The following CBFA2T3 variants were observed in gnomAD, a reference collection of about 807,000 sequenced individuals.
The protein encoded by CBFA2T3 is CBFA2/RUNX1 partner transcriptional co-repressor 3.
CBFA2T3 carries 31 observed loss-of-function variants against 58.6 expected under a neutral mutation model. That is an observed-to-expected ratio of 0.53 (90% CI 0.40 to 0.71). CBFA2T3 has a LOEUF of 0.71. CBFA2T3 is among the 30% of genes least tolerant of loss of function. CBFA2T3 has a pLI of 0.00. For synonymous variants in CBFA2T3, 531 were observed against 421.9 expected (o/e 1.26, Z -3.17); for missense variants, 1,076 against 963.1 (o/e 1.12, Z -1.55).
At position 88,940,763 on chromosome 16, in the gene CBFA2T3, G is replaced by A. The variant is rs940739966; in HGVS notation, c.151+35894C>T. Among the ~76,000 whole-genome samples the A allele has an allele frequency of 4.6e-5, 7 of 152,216 alleles. No individual in the cohort carries two copies. In the South Asian group the frequency reaches 8.3e-4, roughly 18 times the overall value. The stretch of plus-strand genomic sequence containing the variant: ...AAACCGGGCGGCCCCAGGGGAGCCC[G>A]CGAGACTCCCAGCGCCCGGGCGCGT... On this transcript the variant is annotated intron_variant, in intron 1 of 11. Transcript: ENST00000268679.
intron 1 of CBFA2T3, among the ~76,000 whole-genome samples, chr16:88,952,499 C>T (rs559983930): frequency 2.6e-5 from 4 of 151,698 alleles, no homozygotes; most frequent in African/African-American, 4.8e-5. Flanking sequence ...CACGGGGCAC[C>T]GAGACGGCTT....
At chr16:88,901,774 T>A in intron 1 of CBFA2T3, 118 bp from the exon 2 acceptor site, 7 of 881,786 alleles carry the variant, frequency 7.9e-6, no homozygotes, top group Non-Finnish European at 9.7e-6. Flanking sequence ...GCTGGGGCAG[T>A]CTGCCCCAGG....
chr16:88,942,742 AT>A (rs1228521272), intron 1 of CBFA2T3, among the ~76,000 whole-genome samples: 1 of 152,190 alleles, frequency 6.6e-6, no homozygotes, highest in African/African-American at 2.4e-5. Flanking sequence ...CTCCGTGAAA[AT>A]TGTGACACAA....
At chr16:88,893,524 G>A (rs1969737047) in intron 3 of CBFA2T3, among the ~76,000 whole-genome samples, 1 of 152,212 alleles carries the variant, frequency 6.6e-6, no homozygotes, top group African/African-American at 2.4e-5. Context: ...AGGGGGCAGA[G>A]GAGCTGGGAC....
intron 1 of CBFA2T3, among the ~76,000 whole-genome samples, chr16:88,917,269 G>A (rs113100370): frequency 0.061 from 9,230 of 152,138 alleles, 723 homozygotes; most frequent in African/African-American, 0.18. Context: ...CAAGCGGAGC[G>A]GAGAACCTTC....
At chr16:88,901,159 G>A (rs935109259) in intron 2 of CBFA2T3, among the ~76,000 whole-genome samples, 2 of 152,284 alleles carry the variant, frequency 1.3e-5, no homozygotes, top group South Asian at 4.1e-4. Flanking sequence ...GCCGGACGAG[G>A]CAGGAAGCCT....
chr16:88,876,587 TAGAGAG>T lies in CBFA2T3; in HGVS notation c.*383_*388del, dbSNP rs10653475. 9 of 261,214 alleles carry T rather than the reference TAGAGAG, an allele frequency of 3.4e-5. No individual in the cohort carries two copies. Among genetic ancestry groups the T allele is most frequent in the Non-Finnish European group, 5.8e-5 (8 of 138,020 alleles). 16.2% of individuals were successfully genotyped at this position (261,214 alleles called of 1,614,324 possible). ...TTGAAGAGAAAGTGTGTGATAGTCATAGAGAGAGAGAGGATAGAGAAGACAGAGGGG... is the reference window on the plus strand; with the variant it reads ...TTGAAGAGAAAGTGTGTGATAGTCATAGAGAGGATAGAGAAGACAGAGGGG... On this transcript the variant is annotated 3_prime_UTR_variant, in exon 12 of 12. Transcript: ENST00000268679.
chr16:88,915,661 G>A (rs1200783566), intron 1 of CBFA2T3, among the ~76,000 whole-genome samples: 2 of 70,556 alleles, frequency 2.8e-5, no homozygotes, highest in Non-Finnish European at 5.7e-5. Flanking sequence ...GGGGAGCGTG[G>A]ACGGGGGAGT....
rs967922284 is a variant in CBFA2T3, at chr16:88,880,407, C to T, written c.1471+313G>A. Among the ~76,000 whole-genome samples, 5 of 152,352 alleles carry T rather than the reference C, an allele frequency of 3.3e-5. No homozygotes were observed. The East Asian group carries it at 7.7e-4, about 24-fold the overall frequency. ...CCCCATTCTGCCCGGACTCTGGCCCCGCGTGCCTGACGCGCCCAGGCTCCG... is the reference window on the plus strand; with the variant it reads ...CCCCATTCTGCCCGGACTCTGGCCCTGCGTGCCTGACGCGCCCAGGCTCCG... On this transcript the variant is annotated intron_variant, in intron 10 of 11. Coordinates refer to ENST00000268679, the MANE Select transcript of CBFA2T3 (RefSeq NM_005187.6).
At chr16:88,893,263 C>A (rs1047173390) in intron 3 of CBFA2T3, among the ~76,000 whole-genome samples, 22 of 147,544 alleles carry the variant, frequency 1.5e-4, no homozygotes, top group Non-Finnish European at 9.1e-5. Context: ...CAATGTGCCT[C>A]CCCACACACA....
chr16:88,922,804 C>G (rs1031088375), intron 1 of CBFA2T3, among the ~76,000 whole-genome samples: 3 of 152,244 alleles, frequency 2.0e-5, no homozygotes, highest in African/African-American at 7.2e-5. Context: ...TTTGCCCCTG[C>G]GTGGTTTCAC....
In CBFA2T3 at chr16:88,977,182, G is replaced by A. The variant is rs1972885705; in HGVS notation, c.-375C>T. On this transcript the variant is annotated 5_prime_UTR_variant, in exon 1 of 12. Transcript: ENST00000268679. ...AACCATCTGGGGCCCTGCCCTGCGCGGCCTTCCCTCGGGCCATTCCGGTTT... is the reference window on the plus strand; with the variant it reads ...AACCATCTGGGGCCCTGCCCTGCGCAGCCTTCCCTCGGGCCATTCCGGTTT... 3.6e-6 allele frequency: 1 copy of A among 275,038 alleles called. No homozygotes were observed. The highest frequency in any genetic ancestry group is 5.4e-5 in the East Asian group (1 of 18,618). The allele number at this position is 275,038 out of a possible 1,614,324, so 17.0% of individuals were successfully genotyped here.
intron 8 of CBFA2T3, 81 bp downstream of exon 8, chr16:88,882,592 ATGG>A: frequency 1.4e-6 from 1 of 701,746 alleles, no homozygotes; most frequent in Non-Finnish European, 2.2e-6. Context: ...CTGTGTGTGC[ATGG>A]CTGTGTGTGC....
In CBFA2T3 at chr16:88,951,093, G is replaced by A. The variant is rs753602190; in HGVS notation, c.151+25564C>T. The A allele has an allele frequency of 1.2e-4, 44 of 363,552 alleles. 4 individuals carry two copies. The highest frequency in any genetic ancestry group is 4.8e-4 in the East Asian group (6 of 12,516). 22.5% of individuals were successfully genotyped at this position (363,552 alleles called of 1,614,324 possible). On this transcript the variant is annotated intron_variant, in intron 1 of 11. Transcript: ENST00000268679. ...TTCACCCCTCCCCTGGACCGGCACC[G>A]CCACAGAGGGTCAGAGTGTTGGCAC... is the stretch of plus-strand genomic sequence containing the variant.
intron 11 of CBFA2T3, 78 bp from the exon 12 acceptor site, chr16:88,877,353 C>G: frequency 8.5e-7 from 1 of 1,181,848 alleles, no homozygotes; most frequent in East Asian, 2.7e-5. Flanking sequence ...CCAAGCCATT[C>G]AGACCCAGCC....
chr16:88,932,307 G>C (rs1187039116), intron 1 of CBFA2T3, among the ~76,000 whole-genome samples: 3 of 150,676 alleles, frequency 2.0e-5, no homozygotes, highest in African/African-American at 7.3e-5. Flanking sequence ...TTCCAGGAAA[G>C]AGGCCGCCCT....
chr16:88,880,634 C>A, intron 10 of CBFA2T3, 86 bp downstream of exon 10: 2 of 1,103,604 alleles, frequency 1.8e-6, no homozygotes, highest in Non-Finnish European at 2.7e-6. Context: ...GAGACAGAAG[C>A]TCTTCAAAGC....
At chr16:88,880,188 G>A (rs939432080) in intron 10 of CBFA2T3, among the ~76,000 whole-genome samples, 8 of 152,078 alleles carry the variant, frequency 5.3e-5, no homozygotes, top group Non-Finnish European at 1.0e-4. Context: ...CACTGAAAGA[G>A]ACCCTGAGGC....
chr16:88,905,038 A>T (rs1458475867), intron 1 of CBFA2T3, among the ~76,000 whole-genome samples: 1 of 151,658 alleles, frequency 6.6e-6, no homozygotes, highest in Non-Finnish European at 1.5e-5. Flanking sequence ...AGAGAAGATG[A>T]GGGGTGAGTG....
Sources: allele counts gnomAD v4.1 joint callset (sites outside exome capture counted in the v4.1 genomes callset), GRCh38; gene constraint gnomAD v4.1.1; transcripts MANE v1.5; gene names NCBI Gene and HGNC (gene_info 2026-07-23, HGNC 2026-07-21).